HNRNPM: variants seen among roughly 807,000 people sequenced by gnomAD.
HNRNPM encodes heterogeneous nuclear ribonucleoprotein M.
Under a neutral mutation model 73.1 loss-of-function variants are expected in HNRNPM, and 11 were observed. The observed-to-expected ratio is 0.15, with a 90% confidence interval of 0.09 to 0.25. HNRNPM has a LOEUF of 0.25. Among genes scored for constraint, HNRNPM ranks in the 10% least tolerant of loss-of-function variants. HNRNPM has a pLI of 1.00. For missense variants in HNRNPM, 789 were observed against 1,067.9 expected (o/e 0.74, Z 3.64); for synonymous variants, 407 against 355.2 (o/e 1.15, Z -1.64).
intron 11 of HNRNPM, 111 bp downstream of exon 11, chr19:8,473,819 T>C: frequency 1.3e-6 from 1 of 767,500 alleles, no homozygotes; most frequent in Non-Finnish European, 2.2e-6. Flanking sequence ...TGGTTTCAGT[T>C]TGAGTCTAGA....
At chr19:8,482,046 CACTGCAA>C (rs1970958298) in intron 12 of HNRNPM, among the ~76,000 whole-genome samples, 1 of 148,974 alleles carries the variant, frequency 6.7e-6, no homozygotes, top group Non-Finnish European at 1.5e-5. Flanking sequence ...GATCTCGGCT[CACTGCAA>C]CCTCTGCCTC....
At chr19:8,488,606 T>G in intron 15 of HNRNPM, 85 bp from the exon 16 acceptor site, 1 of 1,276,350 alleles carries the variant, frequency 7.8e-7, no homozygotes, top group South Asian at 1.4e-5. Context: ...GCTCTAGGCT[T>G]CAGGGCCTCT....
chr19:8,445,105 C>G lies in HNRNPM; in HGVS notation c.107C>G (p.Pro36Arg). ...GVPSGNGAPG[P>R]KGEGERPAQN... ...CCGAGCGGCAACGGGGCTCCGGGCCCTAAGGGGTGAGTATCCCACGGTCCT... is the reference window on the plus strand; with the variant it reads ...CCGAGCGGCAACGGGGCTCCGGGCCGTAAGGGGTGAGTATCCCACGGTCCT... Residue 36 changes from proline (P) to arginine (R), a missense_variant, in exon 1 of 16, where the codon CCT becomes CGT. Coordinates refer to ENST00000325495, the MANE Select transcript of HNRNPM (RefSeq NM_005968.5). 1 of 1,411,836 alleles carries G rather than the reference C, an allele frequency of 7.1e-7. No individual in the cohort carries two copies. Among genetic ancestry groups the G allele is most frequent in the Non-Finnish European group, 9.2e-7 (1 of 1,081,872 alleles). 87.5% of individuals were successfully genotyped at this position (1,411,836 alleles called of 1,614,324 possible).
At chr19:8,465,131 T>A (rs1342930888) in intron 5 of HNRNPM, among the ~76,000 whole-genome samples, 193 bp from the exon 6 acceptor site, 6 of 152,220 alleles carry the variant, frequency 3.9e-5, no homozygotes, top group Non-Finnish European at 8.8e-5. Flanking sequence ...TGCCTTTTCT[T>A]CCTTTCCTAT....
intron 9 of HNRNPM, 23 bp downstream of exon 9, chr19:8,468,857 C>T: frequency 6.3e-7 from 1 of 1,587,696 alleles, no homozygotes; most frequent in South Asian, 1.1e-5. Flanking sequence ...GTGATTAGGG[C>T]TGAGAGTTTG....
chr19:8,454,240 A>G (rs947655417), intron 1 of HNRNPM, among the ~76,000 whole-genome samples: 5 of 151,446 alleles, frequency 3.3e-5, no homozygotes, highest in East Asian at 3.9e-4. Context: ...TCCCATTTCT[A>G]CCTCCCCCTA....
At chr19:8,457,090 T>C (rs1490513137) in intron 2 of HNRNPM, among the ~76,000 whole-genome samples, 2 of 152,200 alleles carry the variant, frequency 1.3e-5, no homozygotes, top group African/African-American at 4.8e-5. Flanking sequence ...GATAATAAGG[T>C]ATAGTAGTTC....
intron 2 of HNRNPM, among the ~76,000 whole-genome samples, chr19:8,458,375 C>G (rs1366767609): frequency 1.3e-5 from 2 of 152,200 alleles, no homozygotes; most frequent in East Asian, 3.8e-4. Context: ...AGTGATTGAC[C>G]ATAAGGACTG....
chr19:8,447,713 T>G (rs527271861), intron 1 of HNRNPM, among the ~76,000 whole-genome samples: 2 of 152,136 alleles, frequency 1.3e-5, no homozygotes, highest in East Asian at 3.9e-4. Context: ...GGTGAAACCC[T>G]GTCTCTACCA....
intron 2 of HNRNPM, among the ~76,000 whole-genome samples, chr19:8,458,138 G>GT (rs900116941): frequency 7.3e-6 from 1 of 136,290 alleles, no homozygotes; most frequent in African/African-American, 3.3e-5. Context: ...AGGATACTCC[G>GT]GGGGGAGATT....
chr19:8,465,768 A>G (rs1267843312), intron 6 of HNRNPM, among the ~76,000 whole-genome samples: 1 of 152,104 alleles, frequency 6.6e-6, no homozygotes, highest in Non-Finnish European at 1.5e-5. Flanking sequence ...CCGAGTCTGC[A>G]TTCTCCGTTG....
chr19:8,450,578 A>G (rs1482881182), intron 1 of HNRNPM, among the ~76,000 whole-genome samples: 1 of 151,830 alleles, frequency 6.6e-6, no homozygotes. Context: ...CCTAGCTAAT[A>G]TTTTGTAGAG....
chr19:8,481,459 T>TGGTCTGTGGGGA (rs1970911648), intron 12 of HNRNPM: 1 of 152,202 alleles, frequency 6.6e-6, no homozygotes, highest in African/African-American at 2.4e-5. Flanking sequence ...GCTCCAGTTG[T>TGGTCTGTGGGGA]GGTCTGTGGG....
At chr19:8,463,831 G>A (rs1198054599) in intron 5 of HNRNPM, 145 bp downstream of exon 5, 1 of 608,844 alleles carries the variant, frequency 1.6e-6, no homozygotes, top group East Asian at 2.8e-5. Context: ...GTCGGTCATA[G>A]CCTACAGCAG....
intron 1 of HNRNPM, among the ~76,000 whole-genome samples, chr19:8,448,452 A>C (rs2081197): frequency 0.23 from 34,882 of 150,164 alleles, 5,009 homozygotes; most frequent in East Asian, 0.5. Flanking sequence ...AAATGACTTA[A>C]CCTGCTCCCC....
intron 8 of HNRNPM, among the ~76,000 whole-genome samples, chr19:8,467,905 G>A (rs989048505): frequency 3.3e-5 from 5 of 152,106 alleles, no homozygotes; most frequent in Non-Finnish European, 7.4e-5. Context: ...GCACGCGCCT[G>A]TAGTCCAGCT....
intron 1 of HNRNPM, among the ~76,000 whole-genome samples, chr19:8,449,017 T>G (rs939221730): frequency 3.3e-5 from 5 of 152,194 alleles, no homozygotes; most frequent in African/African-American, 9.6e-5. Flanking sequence ...GATACTACCT[T>G]GGTAACCACT....
In HNRNPM at chr19:8,486,138, C is replaced by G. The variant is rs1432200009; in HGVS notation, c.1710C>G (p.Arg570=). Residue 570 remains arginine, a synonymous_variant, in exon 14 of 16, where the codon CGC becomes CGG. Coordinates refer to ENST00000325495, the MANE Select transcript of HNRNPM (RefSeq NM_005968.5). ...ANNLERMGLE[R]MGANSLERMG... is the part of the protein sequence containing the mutation. Reference sequence around the variant, plus strand: ...ATCTGGAGCGGATGGGCCTGGAGCGCATGGGCGCCAACAGCCTCGAGCGCA... The same window carrying G: ...ATCTGGAGCGGATGGGCCTGGAGCGGATGGGCGCCAACAGCCTCGAGCGCA... 6.2e-6 allele frequency: 10 copies of G among 1,605,314 alleles called. No homozygotes were observed. The East Asian group carries it at 2.2e-4, about 36-fold the overall frequency.
At chr19:8,483,127 G>A in intron 12 of HNRNPM, 31 bp from the exon 13 acceptor site, 3 of 1,488,318 alleles carry the variant, frequency 2.0e-6, no homozygotes, top group Non-Finnish European at 2.8e-6. Context: ...GAGGAATTTG[G>A]CTAATTTTTT....
Sources: gnomAD v4.1 joint callset for allele counts (sites outside exome capture counted in the v4.1 genomes callset) on GRCh38, gnomAD v4.1.1 for gene constraint, MANE v1.5 for transcripts, NCBI Gene and HGNC (gene_info 2026-07-23, HGNC 2026-07-21) for gene names.